The following ERC2 variants were observed in gnomAD, a reference collection of about 807,000 sequenced individuals.
ERC2 encodes the protein ELKS/RAB6-interacting/CAST family member 2.
Under a neutral mutation model 114.8 loss-of-function variants are expected in ERC2, and 42 were observed. The ratio of observed to expected loss-of-function variants is 0.37; its 90% CI spans 0.29 to 0.47. The LOEUF (loss-of-function observed/expected upper bound fraction) is 0.47, where lower values mean the gene tolerates loss of function less well. ERC2 is among the 20% of genes least tolerant of loss of function. ERC2 has a pLI of 0.99. For missense variants in ERC2, 939 were observed against 1,150.7 expected (o/e 0.82, Z 2.66); for synonymous variants, 454 against 425.5 (o/e 1.07, Z -0.82).
At chr3:56,006,250 T>G (rs950947550) in intron 10 of ERC2, among the ~76,000 whole-genome samples, 14 of 152,202 alleles carry the variant, frequency 9.2e-5, no homozygotes, top group African/African-American at 2.9e-4. Flanking sequence ...TATTAAATTT[T>G]AAGATATCTA....
chr3:56,461,338 C>T (rs904437500), intron 1 of ERC2, among the ~76,000 whole-genome samples: 4 of 152,184 alleles, frequency 2.6e-5, no homozygotes, highest in Non-Finnish European at 5.9e-5. Flanking sequence ...CTTAAAACAA[C>T]CAAAGTTTAC....
chr3:56,143,883 C>A (rs114854615), intron 5 of ERC2, among the ~76,000 whole-genome samples: 5,053 of 152,276 alleles, frequency 0.033, 124 homozygotes, highest in Middle Eastern at 0.054. Flanking sequence ...AAGCTACTGA[C>A]AATATTAGCT....
intron 6 of ERC2, among the ~76,000 whole-genome samples, chr3:56,116,107 G>A (rs1252851967): frequency 6.6e-6 from 1 of 152,154 alleles, no homozygotes; most frequent in Non-Finnish European, 1.5e-5. Context: ...GTCCCATGTG[G>A]CAGGGTGTGC....
chr3:55,586,260 T>C (rs1426489537), intron 17 of ERC2, among the ~76,000 whole-genome samples: 1 of 152,200 alleles, frequency 6.6e-6, no homozygotes, highest in Non-Finnish European at 1.5e-5. Context: ...GCCTTCACTT[T>C]CAATGCCAAC....
At chr3:55,880,787 T>C (rs895364959) in intron 14 of ERC2, among the ~76,000 whole-genome samples, 6 of 138,670 alleles carry the variant, frequency 4.3e-5, no homozygotes, top group African/African-American at 1.4e-4. Flanking sequence ...AATAGTATTA[T>C]AGCAAAAAAA....
chr3:55,648,788 G>A (rs1028939362), intron 17 of ERC2, among the ~76,000 whole-genome samples: 4 of 152,108 alleles, frequency 2.6e-5, no homozygotes, highest in Non-Finnish European at 4.4e-5. Flanking sequence ...ATGTTAAGGG[G>A]CTGGCACACA....
chr3:55,711,032 A>G (rs1175841546), intron 15 of ERC2, among the ~76,000 whole-genome samples: 4 of 152,192 alleles, frequency 2.6e-5, no homozygotes, highest in South Asian at 4.1e-4. Context: ...CACCATGTCC[A>G]TGACCTGTAA....
chr3:55,798,927 T>C (rs2070747750), intron 14 of ERC2, among the ~76,000 whole-genome samples: 1 of 152,186 alleles, frequency 6.6e-6, no homozygotes, highest in Admixed American at 6.5e-5. Flanking sequence ...ATAAATGCTT[T>C]AGAATTAACT....
intron 13 of ERC2, among the ~76,000 whole-genome samples, chr3:55,929,610 A>T (rs2065951935): frequency 1.3e-5 from 2 of 152,212 alleles, no homozygotes; most frequent in African/African-American, 4.8e-5. Context: ...ATTACAAAGG[A>T]AGGTGATATA....
At chr3:56,259,661 TATG>T (rs1017917387) in intron 3 of ERC2, among the ~76,000 whole-genome samples, 24 of 151,504 alleles carry the variant, frequency 1.6e-4, no homozygotes, top group African/African-American at 5.3e-4. Flanking sequence ...TATGATATGA[TATG>T]ATATGATATG....
chr3:55,566,374 C>A (rs1400113936), intron 17 of ERC2, among the ~76,000 whole-genome samples: 1 of 152,050 alleles, frequency 6.6e-6, no homozygotes, highest in Admixed American at 6.6e-5. Context: ...AGTAATTATT[C>A]AATGAATGCT....
At chr3:56,014,739 T>C (rs1410698009) in intron 8 of ERC2, among the ~76,000 whole-genome samples, 6 of 152,126 alleles carry the variant, frequency 3.9e-5, no homozygotes, top group Non-Finnish European at 5.9e-5. Flanking sequence ...AAAAATTATA[T>C]GGTATATGTT....
intron 3 of ERC2, among the ~76,000 whole-genome samples, chr3:56,276,304 TC>T (rs1317738412): frequency 7.9e-5 from 12 of 152,066 alleles, no homozygotes; most frequent in Non-Finnish European, 1.8e-4. Flanking sequence ...TTTTATAATT[TC>T]CTGTTCTGGC....
chr3:56,139,732 C>G lies in ERC2; in HGVS notation c.1306-56G>C, dbSNP rs111724824. On this transcript the variant is annotated intron_variant, in intron 5 of 17. Transcript: ENST00000288221. ...TAGAAATTGCTGCCCCTACACTTTA[C>G]ATTGGACAACTACTGATTTCTCTCC... 9.3e-6 allele frequency: 14 copies of G among 1,503,196 alleles called. No homozygotes were observed. The Admixed American group carries it at 2.4e-4, about 26-fold the overall frequency. 93.1% of individuals were successfully genotyped at this position (1,503,196 alleles called of 1,614,324 possible). A position where few individuals can be genotyped will look rare whatever the true frequency, so the allele number is the denominator to read the frequency against.
chr3:55,975,259 G>A (rs984167760), intron 12 of ERC2, among the ~76,000 whole-genome samples: 7 of 151,706 alleles, frequency 4.6e-5, no homozygotes, highest in Non-Finnish European at 7.4e-5. Context: ...ATAGGTACTC[G>A]ACAAAGCCTG....
At chr3:56,192,712 G>A (rs957896722) in intron 3 of ERC2, among the ~76,000 whole-genome samples, 51 of 152,140 alleles carry the variant, frequency 3.4e-4, no homozygotes, top group African/African-American at 1.2e-3. Context: ...TGTGTCACCT[G>A]TACCAGGTGA....
intron 3 of ERC2, among the ~76,000 whole-genome samples, chr3:56,180,558 C>T (rs1396147400): frequency 6.6e-6 from 1 of 152,084 alleles, no homozygotes; most frequent in Admixed American, 6.5e-5. Flanking sequence ...TGAAATAAGC[C>T]AGACAAATAC....
At position 55,982,101 on chromosome 3, in the gene ERC2, T is replaced by A. The variant is rs182946588; in HGVS notation, c.2267+3876A>T. Reference sequence around the variant, plus strand: ...GGAGAGGCTGGCTGGAGAGGGGAGATAAATCTCAGAATGAAAGGAGAGGCT... The same window carrying A: ...GGAGAGGCTGGCTGGAGAGGGGAGAAAAATCTCAGAATGAAAGGAGAGGCT... On this transcript the variant is annotated intron_variant, in intron 12 of 17. Coordinates refer to ENST00000288221, the MANE Select transcript of ERC2 (RefSeq NM_015576.3). 2.6e-5 allele frequency among the ~76,000 whole-genome samples: 4 copies of A among 152,122 alleles called. No individual in the cohort carries two copies. The East Asian group carries it at 7.7e-4, about 29-fold the overall frequency.
chr3:56,371,723 C>T (rs1328153850), intron 2 of ERC2, among the ~76,000 whole-genome samples: 1 of 152,226 alleles, frequency 6.6e-6, no homozygotes, highest in African/African-American at 2.4e-5. Flanking sequence ...CTATTAATAT[C>T]CCCTCCCTTG....
Sources: gnomAD v4.1 joint callset for allele counts (sites outside exome capture counted in the v4.1 genomes callset) on GRCh38, gnomAD v4.1.1 for gene constraint, MANE v1.5 for transcripts, NCBI Gene and HGNC (gene_info 2026-07-23, HGNC 2026-07-21) for gene names.